ABHD2: variants seen among roughly 807,000 people sequenced by gnomAD.
The protein encoded by ABHD2 is monoacylglycerol lipase ABHD2.
A neutral mutation model predicts 48.1 loss-of-function variants in ABHD2; 20 were observed. The observed-to-expected ratio is 0.42, with a 90% CI of 0.29 to 0.60. ABHD2 has a LOEUF of 0.60. Ranked by LOEUF, ABHD2 falls within the 20% of genes least tolerant of loss-of-function variation. ABHD2 has a pLI of 0.24. For missense variants in ABHD2, 405 were observed against 550.9 expected (o/e 0.74, Z 2.65); for synonymous variants, 209 against 214.2 (o/e 0.98, Z 0.21).
rs2051455779 is a variant in ABHD2 at position 89,200,524 on chromosome 15, A to G, written c.*5101A>G. 6.6e-6 allele frequency: 1 copy of G among 152,496 alleles called. No homozygotes were observed. Among genetic ancestry groups the G allele is most frequent in the Non-Finnish European group, 1.5e-5 (1 of 67,954 alleles). The allele number at this position is 152,496 out of a possible 1,614,324, so 9.4% of individuals were successfully genotyped here. A position where few individuals can be genotyped will look rare whatever the true frequency, so the allele number is the denominator to read the frequency against. On this transcript the variant is annotated 3_prime_UTR_variant, in exon 11 of 11. Coordinates refer to ENST00000352732, the MANE Select transcript of ABHD2 (RefSeq NM_152924.5). ...CAGAACAATTCTTTATGAATTTGAT[A>G]AAGGACTGAAGTGCAACTGAAAGCT...
the ABHD2 span, among the ~76,000 whole-genome samples, chr15:89,073,608 A>T: frequency 6.6e-6 from 1 of 151,978 alleles, no homozygotes; most frequent in African/African-American, 2.4e-5. Flanking sequence ...AAGTGTGTTA[A>T]TTCTGATCAT....
Position 89,188,870 on chromosome 15 carries a change from C to A in ABHD2, c.926+567C>A, listed in dbSNP as rs1316261200. On this transcript the variant is annotated intron_variant, in intron 8 of 10. Transcript: ENST00000352732. The surrounding 1 kb of genome is among the most constrained non-coding windows in gnomAD (Gnocchi z 4.1). The stretch of plus-strand genomic sequence containing the variant: ...CTCCAGCCAGGGTGACACAGCAAGA[C>A]CCTTCTCAAAATTAAAAAAAAAAAA... Among the ~76,000 whole-genome samples the A allele has an allele frequency of 4.2e-5, 6 of 143,718 alleles. No individual in the cohort carries two copies. Among genetic ancestry groups the A allele is most frequent in the Non-Finnish European group, 3.1e-5 (2 of 64,594 alleles). The allele number at this position is 143,718 out of a possible 152,430, so 94.3% of individuals were successfully genotyped here.
At chr15:89,142,177 A>G (rs1469554346) in intron 3 of ABHD2, among the ~76,000 whole-genome samples, 1 of 152,220 alleles carries the variant, frequency 6.6e-6, no homozygotes, top group African/African-American at 2.4e-5. Context: ...TAGCCTCAGG[A>G]TCCCTGTGGT....
intron 6 of ABHD2, among the ~76,000 whole-genome samples, chr15:89,181,256 T>C (rs1206012709): frequency 5.4e-5 from 6 of 110,158 alleles, no homozygotes; most frequent in Non-Finnish European, 9.4e-5. Flanking sequence ...AAAAACAAGA[T>C]GGTAAATTTT....
chr15:89,089,211 G>C (rs1389248375), intron 1 of ABHD2, among the ~76,000 whole-genome samples: 1 of 152,242 alleles, frequency 6.6e-6, no homozygotes, highest in Non-Finnish European at 1.5e-5. Flanking sequence ...TCCAAGCAGT[G>C]GCCTGATGAC....
Position 89,185,720 on chromosome 15 carries a change from G to A in ABHD2, c.815+204G>A, listed in dbSNP as rs1055345693. On this transcript the variant is annotated intron_variant, in intron 7 of 10. Coordinates refer to ENST00000352732, the MANE Select transcript of ABHD2 (RefSeq NM_152924.5). The surrounding 1 kb of genome is among the most constrained non-coding windows in gnomAD (Gnocchi z 5.9). Reference sequence around the variant, plus strand: ...GCGGTGGCTCACGCCTGTAACCCCAGCACTTTGGGAAGCTGAGGCGGGCAG... The same window carrying A: ...GCGGTGGCTCACGCCTGTAACCCCAACACTTTGGGAAGCTGAGGCGGGCAG... 2.6e-5 allele frequency among the ~76,000 whole-genome samples: 4 copies of A among 152,210 alleles called. No individual in the cohort carries two copies. The highest frequency in any genetic ancestry group is 5.9e-5 in the Non-Finnish European group (4 of 68,042).
At chr15:89,068,016 G>A in the ABHD2 span, among the ~76,000 whole-genome samples, 1 of 152,136 alleles carries the variant, frequency 6.6e-6, no homozygotes, top group African/African-American at 2.4e-5. Flanking sequence ...CATAGAAGAA[G>A]GGAGAATTTC....
chr15:89,080,204 T>A, the ABHD2 span, among the ~76,000 whole-genome samples: 1 of 152,172 alleles, frequency 6.6e-6, no homozygotes, highest in African/African-American at 2.4e-5. Context: ...TCTGCCTGAG[T>A]TCCCCAAGCT....
At chr15:89,150,911 A>G (rs2050579812) in intron 3 of ABHD2, among the ~76,000 whole-genome samples, 1 of 152,190 alleles carries the variant, frequency 6.6e-6, no homozygotes, top group Non-Finnish European at 1.5e-5. Flanking sequence ...AACCATAATC[A>G]TTTCTTAGTT....
chr15:89,094,255 A>G lies in ABHD2; in HGVS notation c.-107+5692A>G, dbSNP rs1326678680. ...TTTTCCTGCCTCAGCCTCTCATTTT[A>G]TCTTGGATAAAAGAGAAGCTTTGAA... On this transcript the variant is annotated intron_variant, in intron 1 of 10. Transcript: ENST00000352732. The surrounding 1 kb of genome is among the most constrained non-coding windows in gnomAD (Gnocchi z 4.7). The G allele has an allele frequency of 6.6e-6, 1 of 152,084 alleles. No individual in the cohort carries two copies. The highest frequency in any genetic ancestry group is 1.5e-5 in the Non-Finnish European group (1 of 68,046). 9.4% of individuals were successfully genotyped at this position (152,084 alleles called of 1,614,324 possible). A position where few individuals can be genotyped will look rare whatever the true frequency, so the allele number is the denominator to read the frequency against.
chr15:89,161,904 G>T (rs2050768084), intron 5 of ABHD2, among the ~76,000 whole-genome samples: 1 of 152,176 alleles, frequency 6.6e-6, no homozygotes. Flanking sequence ...TCCCAGATCA[G>T]GGTGTCAGCA....
At chr15:89,171,177 T>C (rs941250401) in intron 5 of ABHD2, among the ~76,000 whole-genome samples, 1 of 152,200 alleles carries the variant, frequency 6.6e-6, no homozygotes, top group Non-Finnish European at 1.5e-5. Flanking sequence ...GTTCTCAAAG[T>C]GTGGTCTCTG....
chr15:89,136,972 G>A (rs941884674), intron 3 of ABHD2, among the ~76,000 whole-genome samples: 7 of 152,226 alleles, frequency 4.6e-5, no homozygotes, highest in African/African-American at 1.2e-4. Flanking sequence ...GAGCGTCAGC[G>A]TACATCCTGT....
chr15:89,042,563 T>C, the ABHD2 span, among the ~76,000 whole-genome samples: 1 of 150,756 alleles, frequency 6.6e-6, no homozygotes, highest in African/African-American at 2.4e-5. Flanking sequence ...TCTTTCTTTT[T>C]TATTTCCTTT....
intron 3 of ABHD2, among the ~76,000 whole-genome samples, chr15:89,125,245 A>G (rs547992690): frequency 6.7e-6 from 1 of 148,696 alleles, no homozygotes; most frequent in Non-Finnish European, 1.5e-5. Flanking sequence ...ACAGAGGGAG[A>G]CTCCATGTCA....
chr15:89,041,061 T>TCCTCCTGGGATGCTC, the ABHD2 span, among the ~76,000 whole-genome samples: 2 of 152,338 alleles, frequency 1.3e-5, no homozygotes, highest in African/African-American at 4.8e-5. Flanking sequence ...CTGGGATGCT[T>TCCTCCTGGGATGCTC]CCTCCTGGGA....
chr15:89,062,538 C>G, the ABHD2 span, among the ~76,000 whole-genome samples: 13 of 151,982 alleles, frequency 8.6e-5, no homozygotes, highest in African/African-American at 1.9e-4. Context: ...AGTAGAGGCA[C>G]ACAACACCAC....
At chr15:89,107,301 T>C (rs2049801629) in intron 1 of ABHD2, among the ~76,000 whole-genome samples, 1 of 152,182 alleles carries the variant, frequency 6.6e-6, no homozygotes, top group Non-Finnish European at 1.5e-5. Flanking sequence ...GGTTCCATTT[T>C]AGAAGATATG....
chr15:89,170,114 G>T (rs1264865757), intron 5 of ABHD2, among the ~76,000 whole-genome samples: 3 of 24,248 alleles, frequency 1.2e-4, no homozygotes, highest in Admixed American at 8.1e-4. Flanking sequence ...TTTTTTTTTT[G>T]GAGACGGGGT....
Sources: gnomAD v4.1 joint callset for allele counts (sites outside exome capture counted in the v4.1 genomes callset) on GRCh38, gnomAD v4.1.1 for gene constraint, Gnocchi (gnomAD v3.1) non-coding constraint, MANE v1.5 for transcripts, NCBI Gene and HGNC (gene_info 2026-07-23, HGNC 2026-07-21) for gene names.